Variants in ARID1B observed in about 807,000 individuals in gnomAD.
The protein encoded by ARID1B is AT-rich interaction domain 1B, also known as AT-rich interactive domain-containing protein 1B.
Under a neutral mutation model 212.3 loss-of-function variants are expected in ARID1B, and 30 were observed. The observed-to-expected ratio is 0.14, with a 90% CI of 0.11 to 0.19. The LOEUF (loss-of-function observed/expected upper bound fraction) is 0.19. Ranked by LOEUF, ARID1B falls within the 10% of genes least tolerant of loss-of-function variation. The probability of loss-of-function intolerance (pLI) is 1.00; values close to 1 mark genes in which losing one functional copy is unlikely to be tolerated. For synonymous variants in ARID1B, 1,402 were observed against 1,301.7 expected (o/e 1.08, Z -1.66); for missense variants, 2,891 against 3,204.0 (o/e 0.90, Z 2.36).
intron 3 of ARID1B, among the ~76,000 whole-genome samples, chr6:156,925,055 T>C (rs967586269): frequency 6.6e-6 from 1 of 152,234 alleles, no homozygotes; most frequent in Non-Finnish European, 1.5e-5. Flanking sequence ...AAGGCAAATT[T>C]AAAAGCTTGT....
At chr6:156,897,435 G>A (rs1477799943) in intron 2 of ARID1B, among the ~76,000 whole-genome samples, 1 of 151,364 alleles carries the variant, frequency 6.6e-6, no homozygotes, top group African/African-American at 2.4e-5. Context: ...CACCACGCCT[G>A]GCTAATTTTT....
At chr6:157,097,910 G>A (rs938484397) in intron 5 of ARID1B, among the ~76,000 whole-genome samples, 6 of 152,156 alleles carry the variant, frequency 3.9e-5, no homozygotes, top group South Asian at 4.1e-4. Flanking sequence ...TCAAAAGAAC[G>A]GGTGGGGGAA....
At chr6:157,177,991 T>C (rs1248172905) in intron 11 of ARID1B, among the ~76,000 whole-genome samples, 2 of 152,228 alleles carry the variant, frequency 1.3e-5, no homozygotes, top group African/African-American at 2.4e-5. Context: ...GTACATGCTC[T>C]CTATTCACTA....
At chr6:157,104,018 G>A (rs1304223027) in intron 5 of ARID1B, among the ~76,000 whole-genome samples, 1 of 151,904 alleles carries the variant, frequency 6.6e-6, no homozygotes, top group Non-Finnish European at 1.5e-5. Context: ...TGTATTTTTA[G>A]TAGAGACAGG....
chr6:157,113,756 T>A (rs1787115195), intron 6 of ARID1B, among the ~76,000 whole-genome samples: 1 of 152,224 alleles, frequency 6.6e-6, no homozygotes, highest in East Asian at 1.9e-4. Flanking sequence ...TTTGTGTGTG[T>A]GTGTTGGTTA....
chr6:157,117,880 A>T (rs1465252336), intron 6 of ARID1B, among the ~76,000 whole-genome samples: 1 of 152,142 alleles, frequency 6.6e-6, no homozygotes, highest in African/African-American at 2.4e-5. Flanking sequence ...TTCTTCCCAG[A>T]TGCATTTCCA....
At chr6:157,141,163 C>T (rs1562296570) in intron 7 of ARID1B, 1 of 152,590 alleles carries the variant, frequency 6.6e-6, no homozygotes, top group Non-Finnish European at 1.5e-5. Context: ...GTATATTATC[C>T]TTGTGGAGTG....
intron 5 of ARID1B, among the ~76,000 whole-genome samples, chr6:157,087,608 T>G (rs1210435308): frequency 1.3e-5 from 2 of 152,240 alleles, no homozygotes; most frequent in African/African-American, 2.4e-5. Flanking sequence ...ACAATTACTG[T>G]TCAGAGTTGT....
chr6:157,086,967 C>A (rs1325802013), intron 5 of ARID1B, among the ~76,000 whole-genome samples: 2 of 152,200 alleles, frequency 1.3e-5, no homozygotes, highest in East Asian at 1.9e-4. Flanking sequence ...TCCTAGAAAG[C>A]TTTCCACTTT....
intron 4 of ARID1B, among the ~76,000 whole-genome samples, chr6:157,009,940 G>A (rs1779469722): frequency 6.6e-6 from 1 of 152,218 alleles, no homozygotes; most frequent in Non-Finnish European, 1.5e-5. Context: ...TAGCCAACCT[G>A]TGTTCCAGGA....
At chr6:156,957,101 A>G (rs78304073) in intron 4 of ARID1B, among the ~76,000 whole-genome samples, 1 of 152,168 alleles carries the variant, frequency 6.6e-6, no homozygotes, top group Admixed American at 6.5e-5. Context: ...TGAAGGAACA[A>G]ATATATTTTA....
chr6:156,942,198 A>C (rs1792726754), intron 4 of ARID1B: 1 of 152,228 alleles, frequency 6.6e-6, no homozygotes, highest in African/African-American at 2.4e-5. Context: ...AGATTAAGAG[A>C]GGCTGAAGCA....
chr6:157,136,371 G>A (rs1363889875), intron 7 of ARID1B, among the ~76,000 whole-genome samples: 1 of 152,062 alleles, frequency 6.6e-6, no homozygotes, highest in Non-Finnish European at 1.5e-5. Context: ...ACAGTAAGTG[G>A]CTGGGCCAGG....
intron 11 of ARID1B, among the ~76,000 whole-genome samples, chr6:157,179,550 G>A (rs1399031531): frequency 6.6e-6 from 1 of 152,086 alleles, no homozygotes; most frequent in Non-Finnish European, 1.5e-5. Context: ...TAAGTGATGT[G>A]AAGTTTAACC....
At chr6:156,958,582 T>TA (rs1174289016) in intron 4 of ARID1B, among the ~76,000 whole-genome samples, 1 of 152,206 alleles carries the variant, frequency 6.6e-6, no homozygotes, top group Non-Finnish European at 1.5e-5. Context: ...GCAAATACAT[T>TA]TTGTTGCAGT....
chr6:157,035,486 A>G (rs899207905), intron 4 of ARID1B, among the ~76,000 whole-genome samples: 2 of 152,336 alleles, frequency 1.3e-5, no homozygotes, highest in South Asian at 4.1e-4. Flanking sequence ...TGGGAAATTC[A>G]AACATGTAAT....
At chr6:156,942,291 G>T (rs1471009709) in intron 4 of ARID1B, 1 of 152,204 alleles carries the variant, frequency 6.6e-6, no homozygotes, top group Non-Finnish European at 1.5e-5. Context: ...TTAAGTAAGA[G>T]ATGATAAATG....
chr6:157,136,433 C>T (rs1041109053), intron 7 of ARID1B, among the ~76,000 whole-genome samples: 5 of 152,124 alleles, frequency 3.3e-5, no homozygotes, highest in Non-Finnish European at 5.9e-5. Flanking sequence ...TGGTCATTGG[C>T]GGTGTTGCTT....
Position 156,779,428 on chromosome 6 carries a change from C to T in ARID1B, c.1748C>T (p.Ala583Val), listed in dbSNP as rs781454908. The T allele has an allele frequency of 2.0e-6, 3 of 1,464,780 alleles. No individual in the cohort carries two copies. The highest frequency in any genetic ancestry group is 1.2e-5 in the South Asian group (1 of 80,098). The allele number at this position is 1,464,780 out of a possible 1,614,324, so 90.7% of individuals were successfully genotyped here. ...WAAAQQRSHP[A>V]MSPGTPGPTM... The stretch of plus-strand genomic sequence containing the variant: ...GCCGCGCAACAAAGGAGTCACCCGG[C>T]GATGAGCCCCGGCACCCCCGGACCG... Residue 583 changes from alanine to valine, a missense_variant, in exon 1 of 20, where the codon GCG (alanine) becomes GTG (valine). By Grantham distance (64) the Ala-to-Val change is moderately conservative. Around this residue, in one of 7 missense-constraint regions of ARID1B, gnomAD observed 1,643 missense variants for 1,544.0 expected, o/e 1.06. Coordinates refer to ENST00000636930, the MANE Select transcript of ARID1B (RefSeq NM_001374828.1).
Sources: gnomAD v4.1 joint callset for allele counts (sites outside exome capture counted in the v4.1 genomes callset) on GRCh38, gnomAD v4.1.1 for gene constraint, gnomAD v4.1.1 regional missense constraint, MANE v1.5 for transcripts, NCBI Gene and HGNC (gene_info 2026-07-23, HGNC 2026-07-21) for gene names.